PMFBP1: variants seen among roughly 807,000 people sequenced by gnomAD.
The protein encoded by PMFBP1 is polyamine-modulated factor 1-binding protein 1.
A neutral mutation model predicts 137.8 loss-of-function variants in PMFBP1; 131 were observed. That is an observed-to-expected ratio of 0.95 (90% CI 0.82 to 1.10). The LOEUF is 1.10. PMFBP1 is among the 50% of genes least tolerant of loss of function. The probability of loss-of-function intolerance (pLI) is 0.00; values close to 1 mark genes in which losing one functional copy is unlikely to be tolerated. For missense variants in PMFBP1, 1,199 were observed against 1,175.4 expected, an observed-to-expected ratio of 1.02 and a Z score of -0.29; for synonymous variants, 490 against 450.4, an observed-to-expected ratio of 1.09 and a Z score of -1.11.
chr16:72,142,124 G>A (rs892320336), intron 5 of PMFBP1, among the ~76,000 whole-genome samples: 10 of 152,060 alleles, frequency 6.6e-5, no homozygotes, highest in Non-Finnish European at 1.2e-4. Context: ...CATGTTCAGT[G>A]AGCATGAAAG....
the PMFBP1 span, among the ~76,000 whole-genome samples, chr16:72,209,947 C>A: frequency 2.6e-5 from 4 of 152,232 alleles, no homozygotes; most frequent in Non-Finnish European, 1.5e-5. Flanking sequence ...CTGGGCCGTT[C>A]CCCCAGCTCT....
chr16:72,170,014 C>T (rs2043198770), intron 2 of PMFBP1, among the ~76,000 whole-genome samples: 1 of 140,726 alleles, frequency 7.1e-6, no homozygotes. Context: ...TTTTTATTGG[C>T]ACCTGGGCAA....
chr16:72,178,110 C>G (rs1302194774), upstream of PMFBP1, among the ~76,000 whole-genome samples: 1 of 152,128 alleles, frequency 6.6e-6, no homozygotes, highest in Non-Finnish European at 1.5e-5. Context: ...CAAGGCTAGT[C>G]TCAAACTCCT....
At chr16:72,180,092 C>T (rs1233565474), upstream of PMFBP1, among the ~76,000 whole-genome samples, 1 of 152,154 alleles carries the variant, frequency 6.6e-6, no homozygotes, top group East Asian at 1.9e-4. Flanking sequence ...AGTACATGAG[C>T]AACCTCCTGT....
chr16:72,129,860 T>C lies in PMFBP1; in HGVS notation c.1782+353A>G, dbSNP rs1317778457. 2.0e-5 allele frequency among the ~76,000 whole-genome samples: 3 copies of C among 152,114 alleles called. No homozygotes were observed. The East Asian group carries it at 5.8e-4, about 29-fold the overall frequency. Reference sequence around the variant, plus strand: ...ACTGATATGTTTAATCTTTTTCTTTTTTTTGAGACAGGGTCTCACTCTGTC... The same window carrying C: ...ACTGATATGTTTAATCTTTTTCTTTCTTTTGAGACAGGGTCTCACTCTGTC... On this transcript the variant is annotated intron_variant, in intron 12 of 20. Transcript: ENST00000237353.
At chr16:72,208,017 G>A in the PMFBP1 span, among the ~76,000 whole-genome samples, 174 of 152,320 alleles carry the variant, frequency 1.1e-3, 1 homozygote, top group Admixed American at 2.9e-3. Flanking sequence ...CCAGGCAGGA[G>A]AAGCTCCCTC....
chr16:72,125,838 A>T, intron 15 of PMFBP1, 130 bp downstream of exon 15: 1 of 1,183,686 alleles, frequency 8.4e-7, no homozygotes, highest in Non-Finnish European at 1.2e-6. Flanking sequence ...CAGACATCCC[A>T]GCCCACACAA....
intron 2 of PMFBP1, among the ~76,000 whole-genome samples, chr16:72,169,788 C>A (rs80156943): frequency 6.6e-6 from 1 of 152,056 alleles, no homozygotes; most frequent in African/African-American, 2.4e-5. Context: ...TACATTTCCC[C>A]ATGTATAATA....
chr16:72,166,477 T>A (rs1406164448), intron 2 of PMFBP1, among the ~76,000 whole-genome samples: 1 of 152,128 alleles, frequency 6.6e-6, no homozygotes, highest in Non-Finnish European at 1.5e-5. Context: ...TTTATGGCAG[T>A]GTGAAAATGG....
intron 3 of PMFBP1, among the ~76,000 whole-genome samples, chr16:72,154,710 A>AG (rs1268826817): frequency 1.3e-5 from 2 of 152,214 alleles, no homozygotes; most frequent in African/African-American, 4.8e-5. Context: ...CTTATTATTT[A>AG]GGTCAGAAGA....
the PMFBP1 span, among the ~76,000 whole-genome samples, chr16:72,246,293 C>T: frequency 4.6e-5 from 7 of 152,176 alleles, no homozygotes; most frequent in Non-Finnish European, 8.8e-5. Context: ...CTCAAGTTGA[C>T]AAGTGGTAGT....
the PMFBP1 span, among the ~76,000 whole-genome samples, chr16:72,249,587 G>A: frequency 6.6e-6 from 1 of 152,044 alleles, no homozygotes; most frequent in East Asian, 1.9e-4. Context: ...GAAGATAACA[G>A]TGACCTTGAT....
At chr16:72,210,048 G>A in the PMFBP1 span, among the ~76,000 whole-genome samples, 2 of 152,128 alleles carry the variant, frequency 1.3e-5, no homozygotes, top group African/African-American at 4.8e-5. Context: ...TTCCTTGCTT[G>A]TTCTCATACC....
intron 14 of PMFBP1, 89 bp from the exon 15 acceptor site, chr16:72,126,221 G>A (rs2042455990): frequency 2.0e-5 from 29 of 1,440,434 alleles, no homozygotes; most frequent in South Asian, 1.2e-4. Context: ...CAAGAGCCAA[G>A]CTCTCTCCTG....
At chr16:72,119,086 A>G (rs1188958038), downstream of PMFBP1, 1 of 438,878 alleles carries the variant, frequency 2.3e-6, no homozygotes, top group Admixed American at 3.9e-5. Flanking sequence ...CCAACAGCTC[A>G]CCACAACTGC....
intron 3 of PMFBP1, chr16:72,164,430 C>A (rs1482975327): frequency 1.5e-6 from 2 of 1,333,874 alleles, no homozygotes; most frequent in Admixed American, 4.5e-5. Context: ...GTCTGAGATC[C>A]ATAGCAGACG....
chr16:72,124,956 G>T, intron 16 of PMFBP1, 22 bp from the exon 17 acceptor site: 1 of 1,608,792 alleles, frequency 6.2e-7, no homozygotes. Context: ...AGCAAAGTGA[G>T]GAGGGGGACT....
chr16:72,125,079 C>T, intron 16 of PMFBP1, 145 bp from the exon 17 acceptor site: 1 of 1,370,592 alleles, frequency 7.3e-7, no homozygotes, highest in Non-Finnish European at 9.9e-7. Context: ...CACCCATGCT[C>T]CGATCTTTGC....
At chr16:72,182,166 C>A in the PMFBP1 span, among the ~76,000 whole-genome samples, 1 of 152,114 alleles carries the variant, frequency 6.6e-6, no homozygotes, top group African/African-American at 2.4e-5. Flanking sequence ...TGGTCACCGG[C>A]ATATCTCACA....
Sources: allele counts gnomAD v4.1 joint callset (sites outside exome capture counted in the v4.1 genomes callset), GRCh38; gene constraint gnomAD v4.1.1; transcripts MANE v1.5; gene names NCBI Gene and HGNC (gene_info 2026-07-23, HGNC 2026-07-21).